GLT8D2: variants seen among roughly 807,000 people sequenced by gnomAD.
GLT8D2 encodes glycosyltransferase 8 domain containing 2.
GLT8D2 carries 45 observed loss-of-function variants against 44.5 expected under a neutral mutation model. The observed-to-expected ratio is 1.01, with a 90% confidence interval of 0.80 to 1.30. The LOEUF is 1.30. GLT8D2 is among the 50% of genes most tolerant of loss of function. The probability of loss-of-function intolerance (pLI) is 0.00; values close to 1 mark genes in which losing one functional copy is unlikely to be tolerated. For synonymous variants in GLT8D2, 156 were observed against 157.2 expected (o/e 0.99, Z 0.06); for missense variants, 400 against 430.4 (o/e 0.93, Z 0.62).
chr12:104,039,473 A>C (rs1278454682), intron 1 of GLT8D2, among the ~76,000 whole-genome samples: 11 of 152,226 alleles, frequency 7.2e-5, no homozygotes, highest in Non-Finnish European at 1.2e-4. Context: ...ACCCCATCAA[A>C]AAGTGGGCGA....
At chr12:104,020,364 C>T (rs1382090623) in intron 2 of GLT8D2, among the ~76,000 whole-genome samples, 12 of 152,066 alleles carry the variant, frequency 7.9e-5, no homozygotes, top group East Asian at 7.7e-4. Flanking sequence ...ATCATAACTT[C>T]GTTCCTCGAT....
chr12:104,057,738 C>T (rs1236617589), intron 1 of GLT8D2, among the ~76,000 whole-genome samples: 1 of 152,172 alleles, frequency 6.6e-6, no homozygotes, highest in Non-Finnish European at 1.5e-5. Flanking sequence ...GCTTGCATAT[C>T]ATGTTTACAG....
intron 1 of GLT8D2, among the ~76,000 whole-genome samples, chr12:104,027,655 C>T (rs1878743606): frequency 6.6e-6 from 1 of 152,178 alleles, no homozygotes. Context: ...TTGCACGCAG[C>T]TCCAGGCTAT....
Position 104,003,142 on chromosome 12 carries a change from G to C in GLT8D2, c.277C>G (p.Arg93Gly), listed in dbSNP as rs146514972. Residue 93 changes from arginine (R) to glycine (G), a missense_variant, in exon 5 of 11, where the codon CGA becomes GGA. Transcript: ENST00000360814. Reference protein sequence around the residue: ...YVVGLRNTLTRIRKWIEHSKL... With the variant: ...YVVGLRNTLTGIRKWIEHSKL... ...CTGTAAGACATAACTTACCGTATTC[G>C]AGTCAGAGTATTCCGGAGTCCCACT... 1.4e-5 allele frequency: 23 copies of C among 1,613,432 alleles called. No individual in the cohort carries two copies. Among genetic ancestry groups the C allele is most frequent in the Admixed American group, 1.7e-5 (1 of 59,984 alleles).
At chr12:104,063,257 T>C (rs1882840396) in intron 1 of GLT8D2, among the ~76,000 whole-genome samples, 2 of 152,206 alleles carry the variant, frequency 1.3e-5, no homozygotes, top group Non-Finnish European at 2.9e-5. Flanking sequence ...CCAACCCTTT[T>C]TGTGTCTCTG....
intron 1 of GLT8D2, among the ~76,000 whole-genome samples, chr12:104,027,985 G>A (rs539407965): frequency 6.6e-6 from 1 of 152,276 alleles, no homozygotes; most frequent in South Asian, 2.1e-4. Context: ...CTGAGTGCTC[G>A]GTTACTGTAA....
intron 1 of GLT8D2, chr12:104,049,538 C>T (rs910257249): frequency 1.3e-5 from 2 of 152,148 alleles, no homozygotes; most frequent in Non-Finnish European, 2.9e-5. Context: ...TGGCTCAGGA[C>T]ATACCTTCAT....
In GLT8D2 at chr12:104,013,159, G is replaced by A. The variant is rs575024360; in HGVS notation, c.112+1854C>T. Among the ~76,000 whole-genome samples, 9 of 152,226 alleles carry A rather than the reference G, an allele frequency of 5.9e-5. 1 individual carries two copies. The South Asian group carries it at 1.7e-3, about 28-fold the overall frequency. On this transcript the variant is annotated intron_variant, in intron 4 of 10. Transcript: ENST00000360814. The stretch of plus-strand genomic sequence containing the variant: ...TATAGAATTGCACAACCATCACCAA[G>A]ATCCAATTTTAGAAAGTTCCATTGA...
At chr12:104,004,368 A>G (rs1435694057) in intron 4 of GLT8D2, among the ~76,000 whole-genome samples, 1 of 152,188 alleles carries the variant, frequency 6.6e-6, no homozygotes, top group Non-Finnish European at 1.5e-5. Flanking sequence ...CAGTGTTGGA[A>G]GTTCTGGCCA....
intron 1 of GLT8D2, among the ~76,000 whole-genome samples, chr12:104,021,983 G>GAAGAAGAA (rs1566202670): frequency 5.5e-5 from 1 of 18,184 alleles, no homozygotes; most frequent in Non-Finnish European, 1.1e-4. Flanking sequence ...AAGAGGAAGA[G>GAAGAAGAA]GAAGAAGAAG....
chr12:104,007,088 T>G (rs990329194), intron 4 of GLT8D2, among the ~76,000 whole-genome samples: 2 of 152,222 alleles, frequency 1.3e-5, no homozygotes, highest in African/African-American at 4.8e-5. Context: ...ATTATTCTTT[T>G]GAGCCTGGCT....
At position 103,989,354 on chromosome 12, in the gene GLT8D2, C is replaced by T. The variant is rs1211289925; in HGVS notation, c.*54G>A. 7.0e-7 allele frequency: 1 copy of T among 1,423,830 alleles called. No homozygotes were observed. Among genetic ancestry groups the T allele is most frequent in the East Asian group, 2.3e-5 (1 of 43,264 alleles). The allele number at this position is 1,423,830 out of a possible 1,614,324, so 88.2% of individuals were successfully genotyped here. On this transcript the variant is annotated 3_prime_UTR_variant, in exon 11 of 11. Transcript: ENST00000360814. ...TAAAGAACAATGTTATAGTTGGCTACAAAGGGACAATTCCACATTTCTATA... is the reference window on the plus strand; with the variant it reads ...TAAAGAACAATGTTATAGTTGGCTATAAAGGGACAATTCCACATTTCTATA...
At chr12:104,002,201 C>G (rs1420889516) in intron 5 of GLT8D2, among the ~76,000 whole-genome samples, 1 of 152,120 alleles carries the variant, frequency 6.6e-6, no homozygotes, top group African/African-American at 2.4e-5. Flanking sequence ...CCAAGTCATC[C>G]TTTTTCCTTG....
chr12:103,990,502 G>A (rs954611712), intron 10 of GLT8D2, among the ~76,000 whole-genome samples: 2 of 152,274 alleles, frequency 1.3e-5, no homozygotes, highest in Admixed American at 6.5e-5. Context: ...TTAAGGTGGC[G>A]TGAATGTACA....
intron 10 of GLT8D2, 65 bp downstream of exon 10, chr12:103,993,327 T>G: frequency 5.5e-6 from 7 of 1,273,322 alleles, no homozygotes; most frequent in Non-Finnish European, 7.9e-6. Context: ...CGAGACTCTG[T>G]CTCAAAAATA....
intron 1 of GLT8D2, among the ~76,000 whole-genome samples, chr12:104,061,107 C>T (rs1386122412): frequency 6.6e-6 from 1 of 152,112 alleles, no homozygotes; most frequent in East Asian, 1.9e-4. Context: ...GATCACAGCC[C>T]TACTGACACT....
At chr12:104,004,829 GCCATC>G (rs1217651549) in intron 4 of GLT8D2, among the ~76,000 whole-genome samples, 1 of 152,094 alleles carries the variant, frequency 6.6e-6, no homozygotes, top group Non-Finnish European at 1.5e-5. Context: ...TAGATTCAAT[GCCATC>G]CCCATCAAGC....
At chr12:104,034,958 AGCAATATTTGCTGTTCT>A (rs1273784204) in intron 1 of GLT8D2, among the ~76,000 whole-genome samples, 1 of 152,354 alleles carries the variant, frequency 6.6e-6, no homozygotes, top group East Asian at 1.9e-4. Context: ...AGGATCAGGC[AGCAATATTTGCTGTTCT>A]GCAATATTTG....
chr12:104,030,285 A>G (rs1879091469), intron 1 of GLT8D2, among the ~76,000 whole-genome samples: 1 of 152,164 alleles, frequency 6.6e-6, no homozygotes. Flanking sequence ...TGGTGCTGGG[A>G]AAACTGGATA....
Sources: allele counts gnomAD v4.1 joint callset (sites outside exome capture counted in the v4.1 genomes callset), GRCh38; gene constraint gnomAD v4.1.1; transcripts MANE v1.5; gene names NCBI Gene and HGNC (gene_info 2026-07-23, HGNC 2026-07-21).